The following DGKI variants were observed in gnomAD, a reference collection of about 807,000 sequenced individuals.
The protein encoded by DGKI is DAG kinase iota.
In DGKI, 55 loss-of-function variants were observed where a neutral mutation model predicts 147.5. The ratio of observed to expected loss-of-function variants is 0.37; its 90% CI spans 0.30 to 0.47. The LOEUF is 0.47. Among genes scored for constraint, DGKI ranks in the 20% least tolerant of loss-of-function variants. DGKI has a pLI of 1.00. For synonymous variants in DGKI, 469 were observed against 477.1 expected, an observed-to-expected ratio of 0.98 and a Z score of 0.22; for missense variants, 1,007 against 1,323.8, an observed-to-expected ratio of 0.76 and a Z score of 3.71.
chr7:137,575,659 G>A (rs1002666137), intron 17 of DGKI, among the ~76,000 whole-genome samples: 2 of 152,176 alleles, frequency 1.3e-5, no homozygotes, highest in Non-Finnish European at 2.9e-5. Flanking sequence ...TAATAGCCAC[G>A]ATTTTATTGA....
intron 32 of DGKI, among the ~76,000 whole-genome samples, chr7:137,392,674 A>T (rs1407303519): frequency 6.6e-6 from 1 of 152,158 alleles, no homozygotes; most frequent in Non-Finnish European, 1.5e-5. Flanking sequence ...TCCTTGAATA[A>T]TTTTTATTCA....
At chr7:137,659,575 A>G (rs1393508285) in intron 3 of DGKI, among the ~76,000 whole-genome samples, 1 of 152,250 alleles carries the variant, frequency 6.6e-6, no homozygotes, top group African/African-American at 2.4e-5. Flanking sequence ...CAAATAACTT[A>G]TATGAGCCAG....
At chr7:137,661,267 G>GC (rs1414646388) in intron 3 of DGKI, among the ~76,000 whole-genome samples, 2 of 152,244 alleles carry the variant, frequency 1.3e-5, no homozygotes, top group Middle Eastern at 3.4e-3. Flanking sequence ...CCCCATCTCA[G>GC]AGGAGCTCAG....
In DGKI at chr7:137,564,195, A is replaced by G. The variant is rs545658195; in HGVS notation, c.1947+6980T>C. ...GGATAAATGCATTTTTTATGAATGAATATGTATCTTACACAATACACAAAA... is the reference window on the plus strand; with the variant it reads ...GGATAAATGCATTTTTTATGAATGAGTATGTATCTTACACAATACACAAAA... On this transcript the variant is annotated intron_variant, in intron 19 of 32. Coordinates refer to ENST00000614521, the MANE Select transcript of DGKI (RefSeq NM_001321708.2). 2.6e-3 allele frequency among the ~76,000 whole-genome samples: 393 copies of G among 152,346 alleles called. 2 individuals carry two copies. The highest frequency in any genetic ancestry group is 8.8e-3 in the African/African-American group (364 of 41,584).
chr7:137,460,714 T>G (rs1175266301), intron 27 of DGKI, among the ~76,000 whole-genome samples: 3 of 152,190 alleles, frequency 2.0e-5, no homozygotes, highest in African/African-American at 7.2e-5. Flanking sequence ...CATTTCAGAT[T>G]ACAGATTTTC....
intron 30 of DGKI, among the ~76,000 whole-genome samples, chr7:137,401,739 T>C (rs931804397): frequency 6.6e-6 from 1 of 152,092 alleles, no homozygotes; most frequent in Non-Finnish European, 1.5e-5. Context: ...TCTTCCAGGG[T>C]TTACTGAAAT....
At chr7:137,547,019 T>G (rs1817889705) in intron 20 of DGKI, among the ~76,000 whole-genome samples, 1 of 152,234 alleles carries the variant, frequency 6.6e-6, no homozygotes, top group East Asian at 1.9e-4. Flanking sequence ...ACTAGTGAAC[T>G]AAGGATAATA....
At chr7:137,457,945 A>T (rs537974751) in intron 27 of DGKI, among the ~76,000 whole-genome samples, 1 of 152,254 alleles carries the variant, frequency 6.6e-6, no homozygotes, top group East Asian at 1.9e-4. Context: ...GCAGCAAATT[A>T]TATTTCCTCT....
Position 137,846,765 on chromosome 7 carries a change from G to A in DGKI, c.98C>T (p.Pro33Leu), listed in dbSNP as rs1798752417. 1.9e-6 allele frequency: 2 copies of A among 1,042,564 alleles called. No homozygotes were observed. The highest frequency in any genetic ancestry group is 2.3e-6 in the Non-Finnish European group (2 of 869,054). 64.6% of individuals were successfully genotyped at this position (1,042,564 alleles called of 1,614,324 possible). ...PAAAAAAAASPPGPCSGAACA... is the reference protein window; with the variant it reads ...PAAAAAAAASLPGPCSGAACA... ...GGCGGCGCCGCTGCAGGGGCCGGGC[G>A]GGCTGGCGGCGGCGGCGGCGGCGGC... Residue 33 changes from proline (P) to leucine (L), a missense_variant, in exon 1 of 33, where the codon CCG becomes CTG. Coordinates refer to ENST00000614521, the MANE Select transcript of DGKI (RefSeq NM_001321708.2). The surrounding 1 kb of genome is among the most constrained non-coding windows in gnomAD (Gnocchi z 4.0).
At chr7:137,411,795 A>T (rs1585088176) in intron 29 of DGKI, among the ~76,000 whole-genome samples, 1 of 152,200 alleles carries the variant, frequency 6.6e-6, no homozygotes, top group Non-Finnish European at 1.5e-5. Context: ...AAACCACGAC[A>T]AGGAAAGATT....
At chr7:137,673,815 G>A (rs1465702315) in intron 3 of DGKI, among the ~76,000 whole-genome samples, 1 of 152,162 alleles carries the variant, frequency 6.6e-6, no homozygotes, top group Non-Finnish European at 1.5e-5. Flanking sequence ...CTACTGGAGG[G>A]GTGAGCTCCT....
At chr7:137,571,089 A>AG (rs767360208) in intron 19 of DGKI, 86 bp downstream of exon 19, 3 of 942,356 alleles carry the variant, frequency 3.2e-6, no homozygotes, top group East Asian at 5.4e-5. Flanking sequence ...ATAAAGCAGG[A>AG]GAAAAAGTTA....
At chr7:137,406,561 G>T (rs1811954907) in intron 30 of DGKI, among the ~76,000 whole-genome samples, 1 of 152,100 alleles carries the variant, frequency 6.6e-6, no homozygotes, top group South Asian at 2.1e-4. Flanking sequence ...TTCACAGTGA[G>T]AAGGTGTTGA....
intron 6 of DGKI, among the ~76,000 whole-genome samples, chr7:137,641,454 T>C (rs1326734021): frequency 1.3e-5 from 2 of 152,124 alleles, no homozygotes; most frequent in African/African-American, 4.8e-5. Context: ...ATGCCACAAG[T>C]GGAAAATTTC....
At chr7:137,516,598 GT>G (rs1013793219) in intron 21 of DGKI, among the ~76,000 whole-genome samples, 6 of 150,470 alleles carry the variant, frequency 4.0e-5, no homozygotes, top group East Asian at 1.9e-4. Flanking sequence ...GAATTCTGTT[GT>G]TTTTTTTTCT....
chr7:137,517,339 G>GAAAGAA (rs1326759879), intron 21 of DGKI, among the ~76,000 whole-genome samples: 1 of 97,924 alleles, frequency 1.0e-5, no homozygotes, highest in African/African-American at 3.5e-5. Context: ...AAGAAAGAAA[G>GAAAGAA]AGAAAGAAAG....
chr7:137,837,771 G>C (rs1798428400), intron 1 of DGKI, among the ~76,000 whole-genome samples: 1 of 152,070 alleles, frequency 6.6e-6, no homozygotes, highest in Non-Finnish European at 1.5e-5. Flanking sequence ...AATGTCTGTT[G>C]TTTAGAAGCC....
intron 1 of DGKI, among the ~76,000 whole-genome samples, chr7:137,763,915 A>G (rs1165717602): frequency 6.6e-6 from 1 of 152,370 alleles, no homozygotes; most frequent in South Asian, 2.1e-4. Context: ...ACCAGTAAGG[A>G]TAGGGTAGTC....
chr7:137,430,881 A>C (rs552536742), intron 28 of DGKI, among the ~76,000 whole-genome samples: 2 of 152,080 alleles, frequency 1.3e-5, no homozygotes, highest in South Asian at 4.2e-4. Context: ...ATGCTGAGAG[A>C]ACCCCATTCA....
Sources: allele counts gnomAD v4.1 joint callset (sites outside exome capture counted in the v4.1 genomes callset), GRCh38; gene constraint gnomAD v4.1.1; non-coding constraint Gnocchi (gnomAD v3.1); transcripts MANE v1.5; gene names NCBI Gene and HGNC (gene_info 2026-07-23, HGNC 2026-07-21).